The following DST variants were observed in gnomAD, a reference collection of about 807,000 sequenced individuals.
DST encodes bullous pemphigoid antigen.
DST carries 253 observed loss-of-function variants against 875.2 expected under a neutral mutation model. The ratio of observed to expected loss-of-function variants is 0.29; its 90% confidence interval spans 0.26 to 0.32. The LOEUF (loss-of-function observed/expected upper bound fraction) is 0.32. Ranked by LOEUF, DST falls within the 10% of genes least tolerant of loss-of-function variation. The probability of loss-of-function intolerance (pLI) is 1.00; values close to 1 mark genes in which losing one functional copy is unlikely to be tolerated. For synonymous variants in DST, 3,124 were observed against 3,197.1 expected (o/e 0.98, Z 0.77); for missense variants, 8,287 against 9,111.6 (o/e 0.91, Z 3.68).
rs746892771 is a variant in DST at position 56,625,211 on chromosome 6, T to C, written c.4776A>G (p.Lys1592=). The C allele has an allele frequency of 7.4e-6, 12 of 1,613,636 alleles. No individual in the cohort carries two copies. Among genetic ancestry groups the C allele is most frequent in the Middle Eastern group, 1.7e-4 (1 of 6,058 alleles). Reference sequence around the variant, plus strand: ...GCATTCTTCGGCGTTTCACTGGAGATTTTTGTTGTGAATCTACCATGGCCC... The same window carrying C: ...GCATTCTTCGGCGTTTCACTGGAGACTTTTGTTGTGAATCTACCATGGCCC... ...TYRAMVDSQQ[K]SPVKRRRMQS... is the part of the protein sequence containing the mutation. The change falls in exon 35 of 104, where the codon AAA becomes AAG. Residue 1592 remains lysine, a synonymous_variant. Coordinates refer to ENST00000680361, the MANE Select transcript of DST (RefSeq NM_001374736.1).
chr6:56,645,420 T>C (rs1449642939), intron 15 of DST, among the ~76,000 whole-genome samples: 2 of 152,098 alleles, frequency 1.3e-5, no homozygotes, highest in Non-Finnish European at 2.9e-5. Context: ...ATTTACTGAG[T>C]GTGTTCTAGA....
intron 3 of DST, among the ~76,000 whole-genome samples, chr6:56,879,172 T>C (rs1296507118): frequency 1.3e-5 from 2 of 152,188 alleles, no homozygotes; most frequent in Non-Finnish European, 2.9e-5. Flanking sequence ...TTACTGCATT[T>C]ATCTTAATAG....
At chr6:56,581,053 A>T (rs1447498357) in intron 49 of DST, among the ~76,000 whole-genome samples, 9 of 19,440 alleles carry the variant, frequency 4.6e-4, no homozygotes, top group African/African-American at 3.8e-3. Context: ...GCATTTATTA[A>T]AAAAAAAAAA....
Position 56,709,723 on chromosome 6 carries a change from A to G in DST, c.688-5354T>C, listed in dbSNP as rs59689935. ...GAATAATAAGAGTGCCACCTCTTGA[A>G]GCCTGTAATCTGAAATGAAAGAAAT... On this transcript the variant is annotated intron_variant, in intron 5 of 103. Coordinates refer to ENST00000680361, the MANE Select transcript of DST (RefSeq NM_001374736.1). 7.7e-3 allele frequency among the ~76,000 whole-genome samples: 1,174 copies of G among 152,330 alleles called. 15 individuals are homozygous for G. Among genetic ancestry groups the G allele is most frequent in the African/African-American group, 0.027 (1,113 of 41,572 alleles).
At chr6:56,801,584 T>C (rs2099746945) in intron 4 of DST, among the ~76,000 whole-genome samples, 2 of 152,090 alleles carry the variant, frequency 1.3e-5, no homozygotes, top group East Asian at 3.9e-4. Context: ...TGTAACTTCA[T>C]CTTTATAACT....
At chr6:56,877,117 C>T (rs1338466502) in intron 3 of DST, among the ~76,000 whole-genome samples, 2 of 152,190 alleles carry the variant, frequency 1.3e-5, no homozygotes, top group Admixed American at 1.3e-4. Context: ...TACCTAGATA[C>T]CTGGCTCTGA....
chr6:56,560,250 T>C (rs765562964), intron 58 of DST, 44 bp downstream of exon 58: 27 of 1,505,468 alleles, frequency 1.8e-5, no homozygotes, highest in African/African-American at 2.8e-5. Flanking sequence ...TGAAAAATGA[T>C]TGCACTTTTC....
intron 4 of DST, among the ~76,000 whole-genome samples, chr6:56,845,740 T>C (rs2099806582): frequency 6.6e-6 from 1 of 152,236 alleles, no homozygotes; most frequent in African/African-American, 2.4e-5. Context: ...AAGGCACGTC[T>C]GAGCCTTCAT....
Position 56,552,695 on chromosome 6 carries a change from A to C in DST, c.16097T>G (p.Leu5366Arg), listed in dbSNP as rs1371014581. The C allele has an allele frequency of 1.9e-6, 3 of 1,613,378 alleles. No individual in the cohort carries two copies. In the African/African-American group the frequency reaches 4.0e-5, roughly 22 times the overall value. The change falls in exon 61 of 104, where the codon CTA becomes CGA. Residue 5366 changes from leucine (L) to arginine (R), a missense_variant. Physicochemically the swap from Leu to Arg is moderately radical, Grantham distance 102. Around this residue, in one of 10 missense-constraint regions of DST, gnomAD observed 1,513 missense variants for 1,677.8 expected, o/e 0.90. Transcript: ENST00000680361. The stretch of plus-strand genomic sequence containing the variant: ...ACACTTTTCATCAACCTGCTGACTT[A>C]GTGTACTATGCTCTTGAGCTATGGT... ...VETIAQEHST[L>R]SQQVDEKCSF...
At chr6:56,619,938 G>C (rs770035646) in intron 36 of DST, 1 of 1,614,102 alleles carries the variant, frequency 6.2e-7, no homozygotes, top group Non-Finnish European at 8.5e-7. Context: ...TCTACCTGCT[G>C]TTTGAGTTCT....
intron 55 of DST, among the ~76,000 whole-genome samples, chr6:56,562,924 T>A (rs951103337): frequency 3.9e-5 from 6 of 152,320 alleles, no homozygotes; most frequent in African/African-American, 1.4e-4. Flanking sequence ...GAACATATCC[T>A]TTTTTATGGC....
intron 4 of DST, among the ~76,000 whole-genome samples, chr6:56,840,602 GCAAA>G: frequency 6.6e-6 from 1 of 152,204 alleles, no homozygotes; most frequent in Non-Finnish European, 1.5e-5. Context: ...TTCTAATTCA[GCAAA>G]CAGTTGCCTA....
chr6:56,876,494 T>G (rs1183689850), intron 3 of DST, among the ~76,000 whole-genome samples: 2 of 152,294 alleles, frequency 1.3e-5, no homozygotes, highest in Non-Finnish European at 2.9e-5. Flanking sequence ...GCTCTGTTCC[T>G]GGACTGCCGT....
chr6:56,856,114 C>T (rs1428477051), intron 3 of DST, among the ~76,000 whole-genome samples: 4 of 152,218 alleles, frequency 2.6e-5, no homozygotes, highest in Admixed American at 6.5e-5. Flanking sequence ...CATTCATTCG[C>T]ATGGTATAAA....
intron 5 of DST, 74 bp downstream of exon 5, chr6:56,735,154 T>G: frequency 1.0e-6 from 1 of 971,466 alleles, no homozygotes. Flanking sequence ...GCTTCAGAGC[T>G]ATATAATCAA....
intron 75 of DST, 134 bp downstream of exon 75, chr6:56,508,395 T>A: frequency 2.8e-6 from 2 of 717,670 alleles, no homozygotes; most frequent in South Asian, 3.6e-5. Context: ...TATCTCCTAC[T>A]GTATCACTGC....
rs141851533 is a variant in DST, at chr6:56,870,330, G to A, written c.418-18726C>T. 2.8e-3 allele frequency among the ~76,000 whole-genome samples: 421 copies of A among 151,466 alleles called. 1 individual carries two copies. The highest frequency in any genetic ancestry group is 4.3e-3 in the Non-Finnish European group (293 of 67,928). ...GAGCACAAGGGGAGGGACAATGATC[G>A]GGATATAAACCCAGGCACTCGAGCC... On this transcript the variant is annotated intron_variant, in intron 3 of 103. Transcript: ENST00000680361.
In DST at chr6:56,604,470, A is replaced by G; in HGVS notation, c.10158T>C (p.Ile3386=). The part of the protein sequence containing the change: ...PSACADTKIL[I]QNLIKRITTS... ...TGGTAATCCTTTTAATTAAATTTTG[A>G]ATTAAAATTTTAGTGTCTGCACAGG... Residue 3386 remains isoleucine (I), a synonymous_variant, in exon 40 of 104, where the codon ATT becomes ATC. Coordinates refer to ENST00000680361, the MANE Select transcript of DST (RefSeq NM_001374736.1). 1 of 1,611,182 alleles carries G rather than the reference A, an allele frequency of 6.2e-7. No homozygotes were observed. The highest frequency in any genetic ancestry group is 8.5e-7 in the Non-Finnish European group (1 of 1,178,382).
At position 56,817,174 on chromosome 6, in the gene DST, A is replaced by G. The variant is rs974708311; in HGVS notation, c.625+34223T>C. Among the ~76,000 whole-genome samples, 6 of 152,294 alleles carry G rather than the reference A, an allele frequency of 3.9e-5. No homozygotes were observed. In the East Asian group the frequency reaches 1.2e-3, roughly 29 times the overall value. ...AGAGGACTAAAAATACTTATAAAAA[A>G]ACTAACAAGGACTACTACTTTTCAC... On this transcript the variant is annotated intron_variant, in intron 4 of 103. Coordinates refer to ENST00000680361, the MANE Select transcript of DST (RefSeq NM_001374736.1).
Sources: gnomAD v4.1 joint callset for allele counts (sites outside exome capture counted in the v4.1 genomes callset) on GRCh38, gnomAD v4.1.1 for gene constraint, gnomAD v4.1.1 regional missense constraint, MANE v1.5 for transcripts, NCBI Gene and HGNC (gene_info 2026-07-23, HGNC 2026-07-21) for gene names.